Variants in PCID2 observed in about 807,000 individuals in gnomAD.
PCID2 encodes PCI domain-containing protein 2.
In PCID2, 41 loss-of-function variants were observed where a neutral mutation model predicts 61.3. The observed-to-expected ratio is 0.67, with a 90% confidence interval of 0.52 to 0.87. The LOEUF is 0.87. PCID2 is among the 40% of genes least tolerant of loss of function. The pLI is 0.00. For synonymous variants in PCID2, 187 were observed against 177.8 expected, an observed-to-expected ratio of 1.05 and a Z score of -0.41; for missense variants, 392 against 493.4, an observed-to-expected ratio of 0.79 and a Z score of 1.95.
chr13:113,175,671 T>C (rs1220085318), downstream of PCID2, among the ~76,000 whole-genome samples: 1 of 152,198 alleles, frequency 6.6e-6, no homozygotes, highest in Non-Finnish European at 1.5e-5. Context: ...CTGCCAGCGC[T>C]GAGGACCTTG....
chr13:113,197,088 C>T (rs1311352053), intron 4 of PCID2, 90 bp downstream of exon 4: 1 of 1,614,176 alleles, frequency 6.2e-7, no homozygotes, highest in East Asian at 2.2e-5. Context: ...CAGAAATGAG[C>T]AACTGGCCCA....
intron 3 of PCID2, among the ~76,000 whole-genome samples, chr13:113,197,646 C>A (rs1316162024): frequency 6.6e-6 from 1 of 152,190 alleles, no homozygotes; most frequent in Non-Finnish European, 1.5e-5. Context: ...CTACAAGGAA[C>A]ACGGTGGTGC....
intron 1 of PCID2, chr13:113,208,184 A>G: frequency 1.3e-6 from 2 of 1,574,858 alleles, no homozygotes; most frequent in South Asian, 1.1e-5. Context: ...CGCCTCCTGG[A>G]GTCCCCGAAT....
chr13:113,197,033 T>C, intron 4 of PCID2, 145 bp downstream of exon 4: 1 of 1,613,802 alleles, frequency 6.2e-7, no homozygotes, highest in Non-Finnish European at 8.5e-7. Flanking sequence ...GTGAAAGAGC[T>C]GAAACGAGCT....
chr13:113,201,728 C>G (rs376294780), intron 1 of PCID2, among the ~76,000 whole-genome samples: 30 of 149,798 alleles, frequency 2.0e-4, no homozygotes, highest in African/African-American at 7.4e-4. Flanking sequence ...AGGAGAATGG[C>G]GCGAACCCAG....
At chr13:113,173,140 C>T (rs530553639), downstream of PCID2, among the ~76,000 whole-genome samples, 27 of 152,320 alleles carry the variant, frequency 1.8e-4, no homozygotes, top group African/African-American at 6.3e-4. Context: ...AACTTCCCAG[C>T]CCCCAGATCT....
chr13:113,190,121 A>T (rs2038481736), intron 7 of PCID2, among the ~76,000 whole-genome samples: 1 of 152,104 alleles, frequency 6.6e-6, no homozygotes, highest in African/African-American at 2.4e-5. Flanking sequence ...TCCCAGAAAG[A>T]GAAGAGAAAA....
chr13:113,177,763 C>A lies in PCID2; in HGVS notation c.*435G>T, dbSNP rs2037241189. 1 of 152,374 alleles carries A rather than the reference C, an allele frequency of 6.6e-6. No homozygotes were observed. The highest frequency in any genetic ancestry group is 1.5e-5 in the Non-Finnish European group (1 of 68,220). The allele number at this position is 152,374 out of a possible 1,614,324, so 9.4% of individuals were successfully genotyped here. On this transcript the variant is annotated 3_prime_UTR_variant, in exon 14 of 14. Transcript: ENST00000337344. ...AAGTTAACCAAGCATTTTGATAACACATTCAAATTTAATATATAAAAATAG... is the reference window on the plus strand; with the variant it reads ...AAGTTAACCAAGCATTTTGATAACAAATTCAAATTTAATATATAAAAATAG...
chr13:113,169,999 C>T, the PCID2 span, among the ~76,000 whole-genome samples: 1 of 152,186 alleles, frequency 6.6e-6, no homozygotes, highest in South Asian at 2.1e-4. Flanking sequence ...AGGGAGTCAG[C>T]AGGGCTCCAA....
At chr13:113,183,991 G>T in intron 9 of PCID2, 1 of 985,280 alleles carries the variant, frequency 1.0e-6, no homozygotes, top group Non-Finnish European at 1.2e-6. Context: ...ACTAAATGTT[G>T]TCCTAATCTC....
intron 3 of PCID2, among the ~76,000 whole-genome samples, chr13:113,197,901 A>G (rs1461594929): frequency 6.6e-6 from 1 of 152,244 alleles, no homozygotes; most frequent in Non-Finnish European, 1.5e-5. Context: ...GAGCTTCAAA[A>G]ACAGACATAT....
intron 13 of PCID2, chr13:113,178,533 A>T (rs2037315122): frequency 2.3e-6 from 1 of 439,574 alleles, no homozygotes; most frequent in African/African-American, 2.0e-5. Flanking sequence ...TCTGTAATGA[A>T]CACGTACAGA....
intron 9 of PCID2, 41 bp from the exon 10 acceptor site, chr13:113,181,271 C>T (rs191601818): frequency 1.6e-6 from 2 of 1,252,082 alleles, no homozygotes; most frequent in Admixed American, 1.7e-5. Context: ...GACCAACGCA[C>T]CTGCTTCAGG....
intron 3 of PCID2, 123 bp from the exon 4 acceptor site, chr13:113,197,366 A>G: frequency 1.4e-6 from 1 of 702,410 alleles, no homozygotes; most frequent in South Asian, 1.6e-5. Context: ...GAAGGAAGAA[A>G]CACACAAATG....
intron 1 of PCID2, 179 bp from the exon 2 acceptor site, chr13:113,200,695 T>TA: frequency 2.7e-5 from 11 of 400,114 alleles, no homozygotes; most frequent in East Asian, 4.7e-5. Flanking sequence ...AACAATAATT[T>TA]CTTTTTTTTT....
intron 1 of PCID2, among the ~76,000 whole-genome samples, chr13:113,202,846 C>T (rs940201979): frequency 7.9e-5 from 12 of 152,156 alleles, no homozygotes; most frequent in African/African-American, 2.9e-4. Context: ...AAGTTACTTA[C>T]AACCCCATTC....
downstream of PCID2, among the ~76,000 whole-genome samples, chr13:113,176,839 C>A (rs941394201): frequency 2.6e-5 from 4 of 152,158 alleles, no homozygotes; most frequent in African/African-American, 9.7e-5. Flanking sequence ...CTTAAGTGTG[C>A]AACTCAGAAG....
At chr13:113,183,570 T>C (rs2037835284) in intron 9 of PCID2, among the ~76,000 whole-genome samples, 1 of 152,134 alleles carries the variant, frequency 6.6e-6, no homozygotes, top group African/African-American at 2.4e-5. Context: ...GCCTATAGAA[T>C]AAAAAGCCAG....
rs1167028134 is a variant in PCID2, at chr13:113,184,433, G to C, written c.598C>G (p.Leu200Val). ...TGTGCAGTGCTGTAATCGTCTTTCAGGTTTGAGCTGTCAATTGCTCTAATT... is the reference window on the plus strand; with the variant it reads ...TGTGCAGTGCTGTAATCGTCTTTCACGTTTGAGCTGTCAATTGCTCTAATT... ...PLIRAIDSSNLKDDYSTAQRV... is the reference protein window; with the variant it reads ...PLIRAIDSSNVKDDYSTAQRV... Residue 200 changes from leucine to valine, a missense_variant, in exon 9 of 14, where the codon CTG becomes GTG. Transcript: ENST00000337344. 1.2e-6 allele frequency: 2 copies of C among 1,601,646 alleles called. No homozygotes were observed. The highest frequency in any genetic ancestry group is 1.7e-6 in the Non-Finnish European group (2 of 1,168,680).
Sources: allele counts gnomAD v4.1 joint callset (sites outside exome capture counted in the v4.1 genomes callset), GRCh38; gene constraint gnomAD v4.1.1; transcripts MANE v1.5; gene names NCBI Gene and HGNC (gene_info 2026-07-23, HGNC 2026-07-21).